SEPTIN9: variants seen among roughly 807,000 people sequenced by gnomAD.
SEPTIN9 encodes the protein septin-9.
SEPTIN9 carries 13 observed loss-of-function variants against 56.6 expected under a neutral mutation model. That is an observed-to-expected ratio of 0.23 (90% confidence interval 0.15 to 0.37). The LOEUF (loss-of-function observed/expected upper bound fraction) is 0.37, where lower values mean the gene tolerates loss of function less well. SEPTIN9 is among the 10% of genes least tolerant of loss of function. SEPTIN9 has a pLI of 1.00. For synonymous variants in SEPTIN9, 332 were observed against 334.1 expected, an observed-to-expected ratio of 0.99 and a Z score of 0.07; for missense variants, 650 against 823.1, an observed-to-expected ratio of 0.79 and a Z score of 2.57.
chr17:77,357,134 G>A (rs1442485418), intron 2 of SEPTIN9, among the ~76,000 whole-genome samples: 1 of 152,166 alleles, frequency 6.6e-6, no homozygotes, highest in African/African-American at 2.4e-5. Context: ...CAAAGGGCAG[G>A]ATGGAGAGCT....
At position 77,478,680 on chromosome 17, in the gene SEPTIN9, G is replaced by A. The variant is rs374927679; in HGVS notation, c.722-3464G>A. ...TAGCCGGGCATGGTGGCGGGTGCCTGTAATCCCAGCTACTTGAGAGGCTGA... is the reference window on the plus strand; with the variant it reads ...TAGCCGGGCATGGTGGCGGGTGCCTATAATCCCAGCTACTTGAGAGGCTGA... On this transcript the variant is annotated intron_variant, in intron 3 of 11. Transcript: ENST00000427177. 2.8e-4 allele frequency among the ~76,000 whole-genome samples: 42 copies of A among 152,126 alleles called. No individual in the cohort carries two copies. In the East Asian group the frequency reaches 6.8e-3, roughly 25 times the overall value.
intron 1 of SEPTIN9, among the ~76,000 whole-genome samples, chr17:77,305,422 G>T (rs1310818975): frequency 6.6e-6 from 1 of 152,130 alleles, no homozygotes. Context: ...GCAAGCAGAA[G>T]TGGGTGTCCC....
chr17:77,339,217 A>G (rs576009032), intron 2 of SEPTIN9, among the ~76,000 whole-genome samples: 9 of 152,180 alleles, frequency 5.9e-5, no homozygotes, highest in Non-Finnish European at 1.0e-4. Flanking sequence ...TCTTAATGGC[A>G]TCTAGAATGG....
Position 77,492,534 on chromosome 17 carries a change from C to G in SEPTIN9, c.1381-87C>G, listed in dbSNP as rs1166508079. ...CCTTGAACCCGAGCCTGGGGCAGCA[C>G]ACAGTGTGGAGGTCATGTGGCAAAC... On this transcript the variant is annotated intron_variant, in intron 8 of 11. Transcript: ENST00000427177. The surrounding 1 kb of genome is among the most constrained non-coding windows in gnomAD (Gnocchi z 5.4). 2 of 1,208,184 alleles carry G rather than the reference C, an allele frequency of 1.7e-6. No homozygotes were observed. Among genetic ancestry groups the G allele is most frequent in the African/African-American group, 1.5e-5 (1 of 66,980 alleles). The allele number at this position is 1,208,184 out of a possible 1,614,324, so 74.8% of individuals were successfully genotyped here. A position where few individuals can be genotyped will look rare whatever the true frequency, so the allele number is the denominator to read the frequency against.
intron 2 of SEPTIN9, among the ~76,000 whole-genome samples, chr17:77,345,620 G>C (rs533194016): frequency 2.8e-4 from 42 of 152,318 alleles, no homozygotes; most frequent in African/African-American, 8.7e-4. Context: ...GTCCCATTGG[G>C]CTAGAGCTGG....
In SEPTIN9 at chr17:77,295,815, C is replaced by T. The variant is rs529780196; in HGVS notation, c.20-11326C>T. On this transcript the variant is annotated intron_variant, in intron 1 of 11. Transcript: ENST00000427177. The stretch of plus-strand genomic sequence containing the variant: ...CCCCCACCCCACGGAGGCCCCTTTC[C>T]TCTCTGGCCTTTGCTTGCAATCATT... Among the ~76,000 whole-genome samples, 48 of 151,892 alleles carry T rather than the reference C, an allele frequency of 3.2e-4. No homozygotes were observed. The South Asian group carries it at 8.0e-3, about 25-fold the overall frequency.
At position 77,318,117 on chromosome 17, in the gene SEPTIN9, C is replaced by G. The variant is rs1162746954; in HGVS notation, c.76+10920C>G. On this transcript the variant is annotated intron_variant, in intron 2 of 11. Transcript: ENST00000427177. The surrounding 1 kb of genome is among the most constrained non-coding windows in gnomAD (Gnocchi z 4.9). Reference sequence around the variant, plus strand: ...GAATCATCTCAAAACCATCTCCCCACTCCCTGGTCTGTGGAAAAATTGTCT... The same window carrying G: ...GAATCATCTCAAAACCATCTCCCCAGTCCCTGGTCTGTGGAAAAATTGTCT... Among the ~76,000 whole-genome samples, 1 of 152,146 alleles carries G rather than the reference C, an allele frequency of 6.6e-6. No homozygotes were observed. The highest frequency in any genetic ancestry group is 1.5e-5 in the Non-Finnish European group (1 of 68,018).
At chr17:77,496,275 C>T (rs1205087980) in intron 10 of SEPTIN9, 1 of 152,184 alleles carries the variant, frequency 6.6e-6, no homozygotes, top group Admixed American at 6.5e-5. Context: ...GATCCACCCA[C>T]CTCAGCCTCC....
rs947517712 is a variant in SEPTIN9 at position 77,451,101 on chromosome 17, G to T, written c.722-31043G>T. ...TCCTCACGGGCACCGCCTCTGGCAA[G>T]CACAGGGACAAGGGCAAGGACGGCA... On this transcript the variant is annotated intron_variant, in intron 3 of 11. Transcript: ENST00000427177. The surrounding 1 kb of genome is among the most constrained non-coding windows in gnomAD (Gnocchi z 4.2). 4 of 155,466 alleles carry T rather than the reference G, an allele frequency of 2.6e-5. No individual in the cohort carries two copies. The highest frequency in any genetic ancestry group is 7.2e-5 in the African/African-American group (3 of 41,496). The allele number at this position is 155,466 out of a possible 1,614,324, so 9.6% of individuals were successfully genotyped here. A position where few individuals can be genotyped will look rare whatever the true frequency, so the allele number is the denominator to read the frequency against.
At chr17:77,480,458 G>T (rs954316622) in intron 3 of SEPTIN9, among the ~76,000 whole-genome samples, 1 of 152,160 alleles carries the variant, frequency 6.6e-6, no homozygotes, top group Non-Finnish European at 1.5e-5. Context: ...TCCTGAGTTC[G>T]GTTCTTGCCC....
chr17:77,381,770 T>A (rs537426601), intron 2 of SEPTIN9, among the ~76,000 whole-genome samples: 24 of 152,258 alleles, frequency 1.6e-4, no homozygotes, highest in Non-Finnish European at 2.9e-4. Flanking sequence ...TACTGCTGAA[T>A]GCCCTGCCAG....
intron 3 of SEPTIN9, among the ~76,000 whole-genome samples, chr17:77,427,576 C>A (rs1418021636): frequency 6.6e-6 from 1 of 152,216 alleles, no homozygotes; most frequent in East Asian, 1.9e-4. Context: ...GCCTCATACA[C>A]TGTATTGAGA....
chr17:77,331,699 C>A (rs2033368017), intron 2 of SEPTIN9, among the ~76,000 whole-genome samples: 1 of 152,090 alleles, frequency 6.6e-6, no homozygotes, highest in South Asian at 2.1e-4. Flanking sequence ...CTGCTCACTG[C>A]GGGCGAGGGG....
chr17:77,475,207 G>A lies in SEPTIN9; in HGVS notation c.722-6937G>A. 2 of 1,237,714 alleles carry A rather than the reference G, an allele frequency of 1.6e-6. No homozygotes were observed. Among genetic ancestry groups the A allele is most frequent in the Admixed American group, 4.0e-5 (1 of 25,272 alleles). 76.7% of individuals were successfully genotyped at this position (1,237,714 alleles called of 1,614,324 possible). On this transcript the variant is annotated intron_variant, in intron 3 of 11. Transcript: ENST00000427177. The surrounding 1 kb of genome is among the most constrained non-coding windows in gnomAD (Gnocchi z 4.6). ...TGGCTTCACAAACCCTGTGTGGGGG[G>A]GTTGTGGTGAGAGGAAACCGCACAC... is the stretch of plus-strand genomic sequence containing the variant.
intron 3 of SEPTIN9, among the ~76,000 whole-genome samples, chr17:77,418,634 C>T (rs949878453): frequency 6.6e-6 from 1 of 152,202 alleles, no homozygotes; most frequent in South Asian, 2.1e-4. Context: ...TGAGCCGCCA[C>T]GCCCAGCCTC....
Position 77,405,210 on chromosome 17 carries a change from T to G in SEPTIN9, c.721+2507T>G, listed in dbSNP as rs1293745154. The G allele has an allele frequency of 1.5e-6, 2 of 1,372,268 alleles. No individual in the cohort carries two copies. The highest frequency in any genetic ancestry group is 1.8e-4 in the Middle Eastern group (1 of 5,570). 85.0% of individuals were successfully genotyped at this position (1,372,268 alleles called of 1,614,324 possible). ...GGGCAGACACAGTTTAGCCCCTAAATTGTGCCAGAGACTGTGCCGGGAGCC... is the reference window on the plus strand; with the variant it reads ...GGGCAGACACAGTTTAGCCCCTAAAGTGTGCCAGAGACTGTGCCGGGAGCC... On this transcript the variant is annotated intron_variant, in intron 3 of 11. Transcript: ENST00000427177. The surrounding 1 kb of genome is among the most constrained non-coding windows in gnomAD (Gnocchi z 5.8).
intron 2 of SEPTIN9, among the ~76,000 whole-genome samples, chr17:77,388,142 G>C (rs74000227): frequency 0.016 from 2,369 of 152,236 alleles, 61 homozygotes; most frequent in African/African-American, 0.055. Context: ...GGCCCGCCCT[G>C]CCCGCTAGGT....
At chr17:77,470,507 T>C (rs2038949755) in intron 3 of SEPTIN9, among the ~76,000 whole-genome samples, 1 of 151,252 alleles carries the variant, frequency 6.6e-6, no homozygotes. Context: ...TTCACTCATC[T>C]ACTCATCCAC....
rs185269735 is a variant in SEPTIN9 at position 77,454,418 on chromosome 17, C to A, written c.722-27726C>A. ...GCCTTGGGAAGCTTTCCCAGGAGGG[C>A]TCCCGAGGGTGGCGGCCATGCCCAG... On this transcript the variant is annotated intron_variant, in intron 3 of 11. Transcript: ENST00000427177. 1,452 of 975,956 alleles carry A rather than the reference C, an allele frequency of 1.5e-3. 39 individuals carry two copies. The South Asian group carries it at 0.053, about 36-fold the overall frequency. The allele number at this position is 975,956 out of a possible 1,614,324, so 60.5% of individuals were successfully genotyped here. A position where few individuals can be genotyped will look rare whatever the true frequency, so the allele number is the denominator to read the frequency against.
Sources: allele counts gnomAD v4.1 joint callset (sites outside exome capture counted in the v4.1 genomes callset), GRCh38; gene constraint gnomAD v4.1.1; non-coding constraint Gnocchi (gnomAD v3.1); transcripts MANE v1.5; gene names NCBI Gene and HGNC (gene_info 2026-07-23, HGNC 2026-07-21).